The following CNTNAP4 variants were observed in gnomAD, a reference collection of about 807,000 sequenced individuals.
CNTNAP4 encodes the protein contactin-associated protein-like 4.
CNTNAP4 carries 98 observed loss-of-function variants against 148.4 expected under a neutral mutation model. The observed-to-expected ratio is 0.66, with a 90% CI of 0.56 to 0.78. The LOEUF is 0.78. Among genes scored for constraint, CNTNAP4 ranks in the 30% least tolerant of loss-of-function variants. The pLI, the probability that CNTNAP4 is intolerant of heterozygous loss-of-function variation, is 0.00. For missense variants in CNTNAP4, 1,935 were observed against 1,565.6 expected (o/e 1.24, Z -3.98); for synonymous variants, 730 against 565.1 (o/e 1.29, Z -4.14).
At chr16:76,364,321 A>G (rs2013842762) in intron 3 of CNTNAP4, among the ~76,000 whole-genome samples, 1 of 151,850 alleles carries the variant, frequency 6.6e-6, no homozygotes, top group Admixed American at 6.6e-5. Flanking sequence ...TGTGAGATAA[A>G]TTGTGATATT....
At chr16:76,526,627 C>T (rs890262808) in intron 17 of CNTNAP4, among the ~76,000 whole-genome samples, 7 of 152,074 alleles carry the variant, frequency 4.6e-5, no homozygotes, top group African/African-American at 1.7e-4. Flanking sequence ...GGATGAAATG[C>T]TTCTTTGTAG....
intron 21 of CNTNAP4, among the ~76,000 whole-genome samples, chr16:76,551,070 T>A (rs1293918914): frequency 2.0e-5 from 3 of 152,086 alleles, no homozygotes; most frequent in African/African-American, 7.2e-5. Flanking sequence ...TATTATTACG[T>A]AGAAAACATG....
chr16:76,554,370 A>G (rs189334259), intron 23 of CNTNAP4, among the ~76,000 whole-genome samples: 130 of 152,356 alleles, frequency 8.5e-4, no homozygotes, highest in African/African-American at 3.1e-3. Context: ...TAAAGATGCT[A>G]TTTGCATAGT....
intron 3 of CNTNAP4, among the ~76,000 whole-genome samples, chr16:76,384,610 TCCTTGGTACCTA>T (rs2016329221): frequency 6.6e-6 from 1 of 152,116 alleles, no homozygotes; most frequent in African/African-American, 2.4e-5. Context: ...TTGATTAATC[TCCTTGGTACCTA>T]CCTTAGGAGA....
At chr16:76,311,296 T>G (rs1158955157) in intron 1 of CNTNAP4, among the ~76,000 whole-genome samples, 1 of 152,150 alleles carries the variant, frequency 6.6e-6, no homozygotes, top group African/African-American at 2.4e-5. Context: ...AGGAGGCTAT[T>G]GAGTTTTTTT....
chr16:76,548,302 T>A (rs1242641388), intron 21 of CNTNAP4, among the ~76,000 whole-genome samples: 15 of 148,274 alleles, frequency 1.0e-4, no homozygotes, highest in East Asian at 4.0e-4. Flanking sequence ...CACCTTTTTT[T>A]TTTTTTTTTT....
intron 13 of CNTNAP4, among the ~76,000 whole-genome samples, chr16:76,492,189 A>G (rs2082247775): frequency 1.3e-5 from 2 of 152,204 alleles, no homozygotes; most frequent in Non-Finnish European, 1.5e-5. Context: ...GGTATACAGA[A>G]TGATTACTAT....
At chr16:76,368,796 G>T (rs540387564) in intron 3 of CNTNAP4, among the ~76,000 whole-genome samples, 4 of 151,956 alleles carry the variant, frequency 2.6e-5, no homozygotes, top group Non-Finnish European at 4.4e-5. Flanking sequence ...CATCCTGCAC[G>T]TGTATCCCAG....
chr16:76,468,062 G>C (rs542541723), intron 10 of CNTNAP4, among the ~76,000 whole-genome samples: 1 of 152,234 alleles, frequency 6.6e-6, no homozygotes, highest in East Asian at 1.9e-4. Context: ...AGAAGCTTGG[G>C]GTTGTGGTAT....
chr16:76,547,391 G>A lies in CNTNAP4; in HGVS notation c.3443-5892G>A, dbSNP rs185255420. The stretch of plus-strand genomic sequence containing the variant: ...ATGTAATTTAACACACAGTAAAAAT[G>A]ACTGAAAAAAATCACTACTCAAAAG... On this transcript the variant is annotated intron_variant, in intron 21 of 23. Coordinates refer to ENST00000611870, the MANE Select transcript of CNTNAP4 (RefSeq NM_033401.5). Among the ~76,000 whole-genome samples, 214 of 152,160 alleles carry A rather than the reference G, an allele frequency of 1.4e-3. 1 individual carries two copies. The highest frequency in any genetic ancestry group is 1.9e-3 in the Non-Finnish European group (132 of 67,986).
chr16:76,328,736 C>T (rs1393728400), intron 2 of CNTNAP4, among the ~76,000 whole-genome samples: 1 of 152,104 alleles, frequency 6.6e-6, no homozygotes, highest in Non-Finnish European at 1.5e-5. Context: ...ACCTCCGCCT[C>T]CCAGGTTCAA....
intron 3 of CNTNAP4, among the ~76,000 whole-genome samples, chr16:76,397,945 CATATATATATA>C (rs2078264276): frequency 4.1e-5 from 1 of 24,134 alleles, no homozygotes; most frequent in Non-Finnish European, 6.7e-5. Flanking sequence ...AGATTATATA[CATATATATATA>C]TATATATATA....
At chr16:76,452,372 G>A in intron 7 of CNTNAP4, 136 bp from the exon 8 acceptor site, 1 of 760,380 alleles carries the variant, frequency 1.3e-6, no homozygotes, top group South Asian at 1.8e-5. Context: ...TATGGCAGTG[G>A]TTTGGACTGT....
intron 15 of CNTNAP4, 119 bp downstream of exon 15, chr16:76,498,813 T>G (rs918785413): frequency 2.8e-6 from 3 of 1,056,920 alleles, no homozygotes; most frequent in Admixed American, 7.3e-5. Flanking sequence ...TTGTGAACAT[T>G]TTTTTTGTTT....
chr16:76,405,031 A>G (rs2078553333), intron 3 of CNTNAP4, among the ~76,000 whole-genome samples: 1 of 151,246 alleles, frequency 6.6e-6, no homozygotes, highest in South Asian at 2.1e-4. Context: ...GATAAATTCA[A>G]AAAACTTATG....
intron 1 of CNTNAP4, among the ~76,000 whole-genome samples, chr16:76,279,969 C>T (rs1197125942): frequency 6.6e-6 from 1 of 152,114 alleles, no homozygotes; most frequent in Non-Finnish European, 1.5e-5. Context: ...CCCAGCAAGA[C>T]TGGAATTTAG....
chr16:76,453,775 GTAC>G (rs1340184443), intron 8 of CNTNAP4, among the ~76,000 whole-genome samples: 1 of 152,024 alleles, frequency 6.6e-6, no homozygotes, highest in African/African-American at 2.4e-5. Flanking sequence ...TTTTGTTGCT[GTAC>G]TACTATTGTA....
At chr16:76,547,171 AG>A (rs954191983) in intron 21 of CNTNAP4, among the ~76,000 whole-genome samples, 1 of 152,226 alleles carries the variant, frequency 6.6e-6, no homozygotes, top group African/African-American at 2.4e-5. Flanking sequence ...TTATAGAAAA[AG>A]AAATCTCTCT....
At position 76,549,335 on chromosome 16, in the gene CNTNAP4, A is replaced by G. The variant is rs1468765852; in HGVS notation, c.3443-3948A>G. Among the ~76,000 whole-genome samples the G allele has an allele frequency of 2.0e-5, 3 of 152,118 alleles. No individual in the cohort carries two copies. In the East Asian group the frequency reaches 5.8e-4, roughly 29 times the overall value. On this transcript the variant is annotated intron_variant, in intron 21 of 23. Coordinates refer to ENST00000611870, the MANE Select transcript of CNTNAP4 (RefSeq NM_033401.5). ...CCATGCCCTCTCTGTCCCAAAGCTG[A>G]GTGAGGAGAGGTTTCTTCTTAGGGC...
Sources: gnomAD v4.1 joint callset for allele counts (sites outside exome capture counted in the v4.1 genomes callset) on GRCh38, gnomAD v4.1.1 for gene constraint, MANE v1.5 for transcripts, NCBI Gene and HGNC (gene_info 2026-07-23, HGNC 2026-07-21) for gene names.